USP13: variants seen among roughly 807,000 people sequenced by gnomAD.
USP13 encodes the protein ubiquitin specific peptidase 13.
A neutral mutation model predicts 107.8 loss-of-function variants in USP13; 68 were observed. That is an observed-to-expected ratio of 0.63 (90% CI 0.52 to 0.77). The LOEUF is 0.77. USP13 is among the 30% of genes least tolerant of loss of function. The probability of loss-of-function intolerance (pLI) is 0.00; values close to 1 mark genes in which losing one functional copy is unlikely to be tolerated. For missense variants in USP13, 945 were observed against 1,093.3 expected (o/e 0.86, Z 1.91); for synonymous variants, 377 against 389.5 (o/e 0.97, Z 0.38).
chr3:179,664,440 G>C (rs1167035650), intron 1 of USP13, among the ~76,000 whole-genome samples: 2 of 152,126 alleles, frequency 1.3e-5, no homozygotes, highest in African/African-American at 4.8e-5. Context: ...AACATCATAG[G>C]TTTGACCCTT....
intron 1 of USP13, among the ~76,000 whole-genome samples, chr3:179,667,482 G>A (rs1436121858): frequency 6.6e-6 from 1 of 152,198 alleles, no homozygotes; most frequent in Non-Finnish European, 1.5e-5. Flanking sequence ...GTATGTGTAA[G>A]CCGGGAACTG....
chr3:179,713,929 A>G (rs1713013729), intron 6 of USP13, among the ~76,000 whole-genome samples: 1 of 152,216 alleles, frequency 6.6e-6, no homozygotes, highest in African/African-American at 2.4e-5. Context: ...CCCTCAGTCC[A>G]GGCCAGAGTG....
At chr3:179,778,971 T>C (rs576018300) in intron 19 of USP13, among the ~76,000 whole-genome samples, 93 of 148,436 alleles carry the variant, frequency 6.3e-4, no homozygotes, top group African/African-American at 2.2e-3. Flanking sequence ...GTGAGTCACA[T>C]GACATCTGAA....
chr3:179,674,307 G>T (rs1382767610), intron 1 of USP13, among the ~76,000 whole-genome samples: 1 of 152,178 alleles, frequency 6.6e-6, no homozygotes, highest in Non-Finnish European at 1.5e-5. Flanking sequence ...TAAGGTGTGT[G>T]GTGAGTAAGA....
At chr3:179,703,855 CATTTT>C (rs905799664) in intron 4 of USP13, among the ~76,000 whole-genome samples, 1 of 152,118 alleles carries the variant, frequency 6.6e-6, no homozygotes. Context: ...CTTTTGAAAA[CATTTT>C]ATTTAGTCGT....
chr3:179,702,687 C>A (rs2108476348), intron 4 of USP13, among the ~76,000 whole-genome samples: 1 of 152,304 alleles, frequency 6.6e-6, no homozygotes, highest in South Asian at 2.1e-4. Flanking sequence ...TCTTTTAGTA[C>A]TAAGTGCACA....
intron 11 of USP13, among the ~76,000 whole-genome samples, chr3:179,740,769 CT>C (rs768697378): frequency 2.1e-3 from 295 of 143,164 alleles, no homozygotes; most frequent in Middle Eastern, 3.6e-3. Flanking sequence ...CCATTAAAAA[CT>C]TTTTTTTTTT....
At chr3:179,702,054 C>G (rs1394777130) in intron 4 of USP13, among the ~76,000 whole-genome samples, 2 of 152,088 alleles carry the variant, frequency 1.3e-5, no homozygotes, top group Admixed American at 6.5e-5. Flanking sequence ...GAGTCTCGCT[C>G]TGTTGCCCAG....
chr3:179,730,157 CTA>C (rs1320244818), intron 8 of USP13, 30 bp from the exon 9 acceptor site: 2 of 1,586,434 alleles, frequency 1.3e-6, no homozygotes, highest in Admixed American at 1.7e-5. Flanking sequence ...CTTGCAGTTG[CTA>C]TGTTTTAACT....
chr3:179,726,969 C>G (rs1713542526), intron 8 of USP13, among the ~76,000 whole-genome samples: 1 of 151,864 alleles, frequency 6.6e-6, no homozygotes. Flanking sequence ...GGCTTGGAGA[C>G]TTTTGAAGCT....
intron 16 of USP13, 101 bp from the exon 17 acceptor site, chr3:179,761,011 C>T (rs1303269808): frequency 2.1e-6 from 3 of 1,419,340 alleles, no homozygotes; most frequent in Non-Finnish European, 2.9e-6. Context: ...AACAGAATAG[C>T]ACTTTCTTTG....
At chr3:179,702,101 G>A (rs1712550550) in intron 4 of USP13, among the ~76,000 whole-genome samples, 2 of 151,920 alleles carry the variant, frequency 1.3e-5, no homozygotes, top group Admixed American at 6.6e-5. Context: ...CTCACTGCAA[G>A]CTCCACCTCC....
chr3:179,722,827 A>T (rs979568952), intron 8 of USP13, among the ~76,000 whole-genome samples: 3 of 152,112 alleles, frequency 2.0e-5, no homozygotes, highest in African/African-American at 4.8e-5. Flanking sequence ...AAAAAAACTG[A>T]CCCTTTACCG....
intron 1 of USP13, among the ~76,000 whole-genome samples, chr3:179,666,961 G>A (rs971180922): frequency 7.2e-5 from 11 of 152,188 alleles, no homozygotes; most frequent in Non-Finnish European, 1.2e-4. Context: ...GAATTCCTGT[G>A]AGCCTTGGTT....
chr3:179,719,718 C>T (rs1713239301), intron 6 of USP13, among the ~76,000 whole-genome samples: 1 of 152,010 alleles, frequency 6.6e-6, no homozygotes, highest in Non-Finnish European at 1.5e-5. Context: ...AAAAAACTTT[C>T]CAAAATGTGA....
intron 8 of USP13, among the ~76,000 whole-genome samples, chr3:179,726,203 C>T (rs928582426): frequency 1.3e-5 from 2 of 152,104 alleles, no homozygotes; most frequent in African/African-American, 4.8e-5. Context: ...ATCTGTGAGG[C>T]AGCATCCCAG....
chr3:179,717,318 C>T (rs963567532), intron 6 of USP13, among the ~76,000 whole-genome samples: 58 of 152,180 alleles, frequency 3.8e-4, no homozygotes, highest in African/African-American at 1.4e-3. Flanking sequence ...GTTTGAAGAT[C>T]ACAGTTCATT....
intron 11 of USP13, among the ~76,000 whole-genome samples, chr3:179,740,862 G>T (rs1417069661): frequency 1.3e-5 from 2 of 151,772 alleles, no homozygotes; most frequent in Non-Finnish European, 2.9e-5. Flanking sequence ...TGCCTCCTGG[G>T]TTCAAGCAAT....
At chr3:179,773,431 C>A (rs140160568) in intron 19 of USP13, among the ~76,000 whole-genome samples, 4 of 152,120 alleles carry the variant, frequency 2.6e-5, no homozygotes, top group Admixed American at 2.0e-4. Context: ...CTAAATAATG[C>A]GTCATGCCCT....
Sources: gnomAD v4.1 joint callset for allele counts (sites outside exome capture counted in the v4.1 genomes callset) on GRCh38, gnomAD v4.1.1 for gene constraint, MANE v1.5 for transcripts, NCBI Gene and HGNC (gene_info 2026-07-23, HGNC 2026-07-21) for gene names.